Variants in CD59 observed in about 807,000 individuals in gnomAD.
CD59 encodes the protein CD59 molecule (CD59 blood group).
Under a neutral mutation model 7.0 loss-of-function variants are expected in CD59, and 3 were observed. The ratio of observed to expected loss-of-function variants is 0.43; its 90% confidence interval spans 0.19 to 1.10. The LOEUF (loss-of-function observed/expected upper bound fraction) is 1.10, where lower values mean the gene tolerates loss of function less well. CD59 is among the 50% of genes least tolerant of loss of function. The probability of loss-of-function intolerance (pLI) is 0.29; values close to 1 mark genes in which losing one functional copy is unlikely to be tolerated. For missense variants in CD59, 143 were observed against 151.0 expected (o/e 0.95, Z 0.28); for synonymous variants, 60 against 62.0 (o/e 0.97, Z 0.15).
chr11:33,710,427 G>A (rs1853493041), intron 3 of CD59, 84 bp from the exon 4 acceptor site: 8 of 1,101,912 alleles, frequency 7.3e-6, no homozygotes, highest in Middle Eastern at 2.0e-4. Flanking sequence ...TATTTCGTAT[G>A]TATCCTGTGC....
intron 2 of CD59, among the ~76,000 whole-genome samples, chr11:33,719,968 C>A (rs1303052509): frequency 6.6e-6 from 1 of 152,196 alleles, no homozygotes; most frequent in African/African-American, 2.4e-5. Flanking sequence ...TTGAGACTGG[C>A]CATGTTTGAG....
At chr11:33,729,716 G>A (rs184100486) in intron 1 of CD59, among the ~76,000 whole-genome samples, 382 of 151,440 alleles carry the variant, frequency 2.5e-3, no homozygotes, top group Admixed American at 6.7e-3. Context: ...AAAAAATACA[G>A]GCACTTCTTA....
At chr11:33,721,793 T>C (rs1854077495) in intron 2 of CD59, among the ~76,000 whole-genome samples, 2 of 152,182 alleles carry the variant, frequency 1.3e-5, no homozygotes, top group South Asian at 4.1e-4. Context: ...ATTTGACAAG[T>C]TATTAATTTT....
intron 1 of CD59, among the ~76,000 whole-genome samples, chr11:33,729,654 G>A (rs1057062260): frequency 2.0e-5 from 3 of 151,220 alleles, no homozygotes; most frequent in South Asian, 2.1e-4. Flanking sequence ...ACCCCAGAAC[G>A]TAAAGTATAA....
chr11:33,723,694 G>A (rs1854164815), intron 1 of CD59, among the ~76,000 whole-genome samples: 1 of 152,310 alleles, frequency 6.6e-6, no homozygotes, highest in South Asian at 2.1e-4. Flanking sequence ...CTTCCCAGGA[G>A]ACCTGGGCTC....
At position 33,722,428 on chromosome 11, in the gene CD59, C is replaced by A. The variant is rs111771149; in HGVS notation, c.18G>T (p.Gly6=). Residue 6 remains glycine, a synonymous_variant, in exon 2 of 4, where the codon GGG becomes GGT. Coordinates refer to ENST00000642928, the MANE Select transcript of CD59 (RefSeq NM_000611.6). The stretch of plus-strand genomic sequence containing the variant: ...CGAGCAGCAGCCCGAACAGGACAGA[C>A]CCTCCTTGGATTCCCATTGTGATTG... The part of the protein sequence containing the change: MGIQG[G]SVLFGLLLVL... 2.5e-6 allele frequency: 4 copies of A among 1,614,028 alleles called. No homozygotes were observed. Among genetic ancestry groups the A allele is most frequent in the Non-Finnish European group, 3.4e-6 (4 of 1,179,944 alleles).
At chr11:33,723,017 A>G (rs1256392701) in intron 1 of CD59, 2 of 989,530 alleles carry the variant, frequency 2.0e-6, no homozygotes, top group Non-Finnish European at 2.4e-6. Context: ...GTAAGTTTCC[A>G]TTACGTGAAT....
In CD59 at chr11:33,717,469, G is replaced by C. The variant is rs370362902; in HGVS notation, c.70C>G (p.His24Asp). ...GGACAGTTGTAGCACTGCAGGCTATGACCTAGAATCAGGAAGAAAGTCAGG... is the reference window on the plus strand; with the variant it reads ...GGACAGTTGTAGCACTGCAGGCTATCACCTAGAATCAGGAAGAAAGTCAGG... ...LVLAVFCHSGHSLQCYNCPNP... is the reference protein window; with the variant it reads ...LVLAVFCHSGDSLQCYNCPNP... The change falls in exon 3 of 4, where the codon CAT becomes GAT. Residue 24 changes from histidine to aspartate, a missense_variant and splice_region_variant. Physicochemically the swap from His to Asp is moderately conservative, Grantham distance 81. Coordinates refer to ENST00000642928, the MANE Select transcript of CD59 (RefSeq NM_000611.6). 3 of 1,597,132 alleles carry C rather than the reference G, an allele frequency of 1.9e-6. No homozygotes were observed. Among genetic ancestry groups the C allele is most frequent in the Non-Finnish European group, 2.6e-6 (3 of 1,164,770 alleles).
intron 3 of CD59, chr11:33,711,563 G>A (rs958021541): frequency 1.7e-6 from 1 of 590,260 alleles, no homozygotes; most frequent in Non-Finnish European, 3.0e-6. Context: ...TTTAGTCTTA[G>A]CTACTTGGGA....
At chr11:33,719,743 A>T (rs1853966265) in intron 2 of CD59, 1 of 152,316 alleles carries the variant, frequency 6.6e-6, no homozygotes, top group African/African-American at 2.4e-5. Flanking sequence ...ACAAAGCAGC[A>T]GAGCTGGCGG....
At chr11:33,728,003 G>A (rs1854307461) in intron 1 of CD59, among the ~76,000 whole-genome samples, 1 of 152,110 alleles carries the variant, frequency 6.6e-6, no homozygotes, top group Non-Finnish European at 1.5e-5. Context: ...ACAAACCACT[G>A]CTCAAGGAAA....
chr11:33,729,024 T>C (rs1305826397), intron 1 of CD59, among the ~76,000 whole-genome samples: 1 of 152,160 alleles, frequency 6.6e-6, no homozygotes, highest in Non-Finnish European at 1.5e-5. Flanking sequence ...CAACAGATGC[T>C]GGAGAGGATG....
At chr11:33,735,457 C>T (rs1358228528) in intron 1 of CD59, among the ~76,000 whole-genome samples, 1 of 152,134 alleles carries the variant, frequency 6.6e-6, no homozygotes. Flanking sequence ...GTTTTTGAGG[C>T]GGAGTCTCGC....
At chr11:33,716,361 G>A (rs1853790237) in intron 3 of CD59, among the ~76,000 whole-genome samples, 1 of 152,112 alleles carries the variant, frequency 6.6e-6, no homozygotes, top group Non-Finnish European at 1.5e-5. Flanking sequence ...GCTTTTCTGA[G>A]TTTACCTGAC....
At chr11:33,710,386 A>G in intron 3 of CD59, 43 bp from the exon 4 acceptor site, 2 of 1,465,168 alleles carry the variant, frequency 1.4e-6, no homozygotes, top group Non-Finnish European at 1.9e-6. Context: ...AAGTGGGAAG[A>G]GTTCTGTATC....
At chr11:33,732,969 C>T (rs831598) in intron 1 of CD59, among the ~76,000 whole-genome samples, 5,916 of 152,236 alleles carry the variant, frequency 0.039, 253 homozygotes, top group East Asian at 0.18. Flanking sequence ...GTCAAAGACT[C>T]ATGACCGACA....
In CD59 at chr11:33,728,500, C is replaced by T. The variant is rs1266912767; in HGVS notation, c.-18-6037G>A. ...AAGCTGAAACTGGATCCTTTCCTTACACCTTACACAAAAGTTAACTTAAGA... is the reference window on the plus strand; with the variant it reads ...AAGCTGAAACTGGATCCTTTCCTTATACCTTACACAAAAGTTAACTTAAGA... On this transcript the variant is annotated intron_variant, in intron 1 of 3. Transcript: ENST00000642928. Among the ~76,000 whole-genome samples the T allele has an allele frequency of 2.0e-5, 3 of 152,314 alleles. No homozygotes were observed. In the East Asian group the frequency reaches 5.8e-4, roughly 29 times the overall value.
At position 33,707,681 on chromosome 11, in the gene CD59, A is replaced by C. The variant is rs1366448618; in HGVS notation, c.*2445T>G. The C allele has an allele frequency of 6.6e-6, 1 of 152,214 alleles. No homozygotes were observed. The highest frequency in any genetic ancestry group is 1.5e-5 in the Non-Finnish European group (1 of 68,028). 9.4% of individuals were successfully genotyped at this position (152,214 alleles called of 1,614,324 possible). ...CCCCTGCTCCCTGGTTTCATTTGGAACCAACTGAGACAGACACATGAATCC... is the reference window on the plus strand; with the variant it reads ...CCCCTGCTCCCTGGTTTCATTTGGACCCAACTGAGACAGACACATGAATCC... On this transcript the variant is annotated 3_prime_UTR_variant, in exon 4 of 4. Transcript: ENST00000642928.
In CD59 at chr11:33,708,944, T is replaced by C. The variant is rs1853428536; in HGVS notation, c.*1182A>G. On this transcript the variant is annotated 3_prime_UTR_variant, in exon 4 of 4. Coordinates refer to ENST00000642928, the MANE Select transcript of CD59 (RefSeq NM_000611.6). ...TCCTCCATCTGCAAAAGTCAGCCTA[T>C]GCCATTAAATACAGCCAAGATCATA... 6.6e-6 allele frequency: 1 copy of C among 152,216 alleles called. No homozygotes were observed. Among genetic ancestry groups the C allele is most frequent in the African/African-American group, 2.4e-5 (1 of 41,446 alleles). The allele number at this position is 152,216 out of a possible 1,614,324, so 9.4% of individuals were successfully genotyped here. A position where few individuals can be genotyped will look rare whatever the true frequency, so the allele number is the denominator to read the frequency against.
Sources: gnomAD v4.1 joint callset for allele counts (sites outside exome capture counted in the v4.1 genomes callset) on GRCh38, gnomAD v4.1.1 for gene constraint, MANE v1.5 for transcripts, NCBI Gene and HGNC (gene_info 2026-07-23, HGNC 2026-07-21) for gene names.